Variants in SPON1 observed in about 807,000 individuals in gnomAD.
SPON1 encodes spondin 1, also known as spondin-1.
A neutral mutation model predicts 111.7 loss-of-function variants in SPON1; 52 were observed. That is an observed-to-expected ratio of 0.47 (90% CI 0.37 to 0.59). SPON1 has a LOEUF of 0.59. SPON1 is among the 20% of genes least tolerant of loss of function. The pLI, the probability that SPON1 is intolerant of heterozygous loss-of-function variation, is 0.00. For synonymous variants in SPON1, 410 were observed against 395.8 expected, an observed-to-expected ratio of 1.04 and a Z score of -0.43; for missense variants, 957 against 1,068.5, an observed-to-expected ratio of 0.90 and a Z score of 1.46.
intron 6 of SPON1, among the ~76,000 whole-genome samples, chr11:14,153,146 A>G (rs1554930061): frequency 6.6e-6 from 1 of 152,172 alleles, no homozygotes; most frequent in Non-Finnish European, 1.5e-5. Context: ...CTTTTACAAC[A>G]TACATCCTTT....
rs1032538035 is a variant in SPON1 at position 14,063,360 on chromosome 11, C to G, written c.480-11985C>G. Among the ~76,000 whole-genome samples, 9 of 152,178 alleles carry G rather than the reference C, an allele frequency of 5.9e-5. No individual in the cohort carries two copies. The South Asian group carries it at 8.3e-4, about 14-fold the overall frequency. On this transcript the variant is annotated intron_variant, in intron 3 of 15. Transcript: ENST00000576479. Reference sequence around the variant, plus strand: ...TGGGATCACATTAATTTCTTTTCCACATTATTCACTAAGAAAACTAGAGTT... The same window carrying G: ...TGGGATCACATTAATTTCTTTTCCAGATTATTCACTAAGAAAACTAGAGTT...
intron 6 of SPON1, among the ~76,000 whole-genome samples, chr11:14,178,867 A>T (rs1438743532): frequency 3.3e-5 from 5 of 152,228 alleles, no homozygotes; most frequent in Admixed American, 2.0e-4. Flanking sequence ...CAGCTGCTGC[A>T]GCAGACACCT....
intron 7 of SPON1, 138 bp downstream of exon 7, chr11:14,243,534 C>T: frequency 2.7e-6 from 2 of 738,012 alleles, no homozygotes; most frequent in South Asian, 1.6e-5. Flanking sequence ...AAGATGCTTT[C>T]TATGTGCAGA....
At chr11:14,147,390 A>C (rs1847734384) in intron 6 of SPON1, among the ~76,000 whole-genome samples, 1 of 151,842 alleles carries the variant, frequency 6.6e-6, no homozygotes, top group African/African-American at 2.4e-5. Context: ...CAAAACCCGG[A>C]GATCATAAAA....
At chr11:14,234,927 A>G (rs1455448170) in intron 6 of SPON1, among the ~76,000 whole-genome samples, 1 of 152,250 alleles carries the variant, frequency 6.6e-6, no homozygotes, top group African/African-American at 2.4e-5. Flanking sequence ...ATCAGACAGC[A>G]GCTTGTGATG....
Position 14,265,760 on chromosome 11 carries a change from A to G in SPON1, c.*73A>G. The G allele has an allele frequency of 1.3e-6, 2 of 1,520,034 alleles. No homozygotes were observed. Among genetic ancestry groups the G allele is most frequent in the Non-Finnish European group, 8.9e-7 (1 of 1,122,224 alleles). The allele number at this position is 1,520,034 out of a possible 1,614,324, so 94.2% of individuals were successfully genotyped here. On this transcript the variant is annotated 3_prime_UTR_variant, in exon 16 of 16. Transcript: ENST00000576479. ...AATGGCTGGATTATTTGCTTGTTTA[A>G]GACAATTTAAATTGTGTACGCTAGT...
At chr11:14,023,732 G>A (rs551228610) in intron 2 of SPON1, among the ~76,000 whole-genome samples, 1 of 152,270 alleles carries the variant, frequency 6.6e-6, no homozygotes, top group East Asian at 1.9e-4. Flanking sequence ...GGCCAGGTGC[G>A]GTGGCTCACG....
chr11:14,185,596 A>T (rs2133889285), intron 6 of SPON1, among the ~76,000 whole-genome samples: 1 of 152,386 alleles, frequency 6.6e-6, no homozygotes, highest in African/African-American at 2.4e-5. Context: ...ATGTATACAC[A>T]GCTACCCCAA....
At chr11:14,068,556 G>C (rs1554920575) in intron 3 of SPON1, among the ~76,000 whole-genome samples, 1 of 152,218 alleles carries the variant, frequency 6.6e-6, no homozygotes, top group Non-Finnish European at 1.5e-5. Context: ...TTGTTTCCAA[G>C]GGCCACAGAT....
At chr11:14,179,747 T>C (rs1230344400) in intron 6 of SPON1, among the ~76,000 whole-genome samples, 1 of 152,050 alleles carries the variant, frequency 6.6e-6, no homozygotes, top group Admixed American at 6.6e-5. Flanking sequence ...TAAAAGGGTG[T>C]GATGGGTATA....
intron 6 of SPON1, among the ~76,000 whole-genome samples, chr11:14,190,482 CCTTCCTTCCTTCTTTA>C (rs1294245236): frequency 1.1e-4 from 17 of 151,668 alleles, no homozygotes; most frequent in South Asian, 8.4e-4. Context: ...CTTCTTCCTT[CCTTCCTTCCTTCTTTA>C]CTTCCTTCCT....
At chr11:14,113,362 C>G (rs998061280) in intron 5 of SPON1, among the ~76,000 whole-genome samples, 1 of 152,096 alleles carries the variant, frequency 6.6e-6, no homozygotes, top group Admixed American at 6.5e-5. Context: ...ATTTTTCATC[C>G]TGATTATTGC....
At chr11:14,257,266 G>A (rs924458943) in intron 10 of SPON1, among the ~76,000 whole-genome samples, 3 of 152,202 alleles carry the variant, frequency 2.0e-5, no homozygotes, top group Non-Finnish European at 2.9e-5. Context: ...AACATGTAAG[G>A]CTCTTAGAAT....
intron 5 of SPON1, among the ~76,000 whole-genome samples, chr11:14,082,255 T>A (rs1881512): frequency 2.0e-5 from 3 of 151,820 alleles, no homozygotes; most frequent in Admixed American, 1.3e-4. Flanking sequence ...TTCTGTGGAG[T>A]TGTTGAGAGT....
chr11:14,067,325 GCA>G (rs1448772712), intron 3 of SPON1, among the ~76,000 whole-genome samples: 1 of 152,052 alleles, frequency 6.6e-6, no homozygotes, highest in African/African-American at 2.4e-5. Flanking sequence ...CATCAGTTAG[GCA>G]CACATTTAAG....
intron 5 of SPON1, among the ~76,000 whole-genome samples, chr11:14,124,528 C>T (rs1847433488): frequency 6.6e-6 from 1 of 152,194 alleles, no homozygotes; most frequent in South Asian, 2.1e-4. Context: ...ACCCTCCAGA[C>T]AGAACATCTC....
chr11:14,158,893 C>T (rs1847879426), intron 6 of SPON1, among the ~76,000 whole-genome samples: 1 of 152,104 alleles, frequency 6.6e-6, no homozygotes, highest in Non-Finnish European at 1.5e-5. Context: ...GTCTCTAACC[C>T]AATCTCACTT....
chr11:13,990,707 T>C (rs1554911055), intron 2 of SPON1, among the ~76,000 whole-genome samples: 1 of 152,164 alleles, frequency 6.6e-6, no homozygotes, highest in African/African-American at 2.4e-5. Context: ...CGGTGGCTGA[T>C]ACCAGTTGTT....
At chr11:14,104,975 A>C (rs781976951) in intron 5 of SPON1, among the ~76,000 whole-genome samples, 6 of 152,138 alleles carry the variant, frequency 3.9e-5, no homozygotes, top group Non-Finnish European at 8.8e-5. Flanking sequence ...TATCTTTTAC[A>C]TGAAATATGT....
Sources: gnomAD v4.1 joint callset for allele counts (sites outside exome capture counted in the v4.1 genomes callset) on GRCh38, gnomAD v4.1.1 for gene constraint, MANE v1.5 for transcripts, NCBI Gene and HGNC (gene_info 2026-07-23, HGNC 2026-07-21) for gene names.